Variants in NRG4 observed in about 807,000 individuals in gnomAD.
NRG4 encodes neuregulin 4.
A neutral mutation model predicts 15.0 loss-of-function variants in NRG4; 10 were observed. The observed-to-expected ratio is 0.67, with a 90% CI of 0.41 to 1.13. The LOEUF (loss-of-function observed/expected upper bound fraction) is 1.13. Among genes scored for constraint, NRG4 ranks in the 50% most tolerant of loss-of-function variants. The probability of loss-of-function intolerance (pLI) is 0.00; values close to 1 mark genes in which losing one functional copy is unlikely to be tolerated. For synonymous variants in NRG4, 41 were observed against 50.1 expected, an observed-to-expected ratio of 0.82 and a Z score of 0.77; for missense variants, 139 against 140.2, an observed-to-expected ratio of 0.99 and a Z score of 0.04.
At chr15:76,000,211 G>A (rs2034361794) in intron 3 of NRG4, among the ~76,000 whole-genome samples, 1 of 152,010 alleles carries the variant, frequency 6.6e-6, no homozygotes, top group Non-Finnish European at 1.5e-5. Context: ...ACTATGACTC[G>A]AACTTGAAGG....
At chr15:75,968,321 C>T (rs1459550306) in intron 3 of NRG4, among the ~76,000 whole-genome samples, 1 of 152,138 alleles carries the variant, frequency 6.6e-6, no homozygotes, top group East Asian at 1.9e-4. Flanking sequence ...GGTGTGGTGG[C>T]TCACGCCTGT....
At chr15:75,945,264 TTTTTA>T (rs2031420933) in intron 5 of NRG4, among the ~76,000 whole-genome samples, 1 of 125,544 alleles carries the variant, frequency 8.0e-6, no homozygotes, top group Non-Finnish European at 1.8e-5. Context: ...TTATCATTTA[TTTTTA>T]TTTTATTTTT....
chr15:75,953,610 CT>C (rs1243095505), intron 5 of NRG4, among the ~76,000 whole-genome samples: 1 of 152,168 alleles, frequency 6.6e-6, no homozygotes, highest in Non-Finnish European at 1.5e-5. Flanking sequence ...TGAAAAATGC[CT>C]GCTGAAATCC....
downstream of NRG4, chr15:75,937,361 T>G (rs1253022224): frequency 6.6e-6 from 1 of 151,684 alleles, no homozygotes; most frequent in South Asian, 2.1e-4. Context: ...TACACAAAAT[T>G]AGCTGGGCAT....
intron 5 of NRG4, among the ~76,000 whole-genome samples, chr15:76,030,077 T>G (rs2141940385): frequency 1.3e-5 from 2 of 152,158 alleles, no homozygotes; most frequent in East Asian, 3.9e-4. Context: ...GCTAACACGG[T>G]GAAACCCCGC....
chr15:76,030,574 T>TA (rs957215445), intron 5 of NRG4, among the ~76,000 whole-genome samples: 14 of 151,908 alleles, frequency 9.2e-5, no homozygotes, highest in East Asian at 7.7e-4. Context: ...TCTAACCTTA[T>TA]AAAAAAAGCA....
intron 3 of NRG4, among the ~76,000 whole-genome samples, chr15:75,992,710 C>A (rs2034063905): frequency 6.6e-6 from 1 of 152,054 alleles, no homozygotes; most frequent in South Asian, 2.1e-4. Context: ...CTATTCTGGA[C>A]ATCTAATATG....
chr15:76,028,539 A>G (rs1250823400), intron 5 of NRG4, among the ~76,000 whole-genome samples: 2 of 152,038 alleles, frequency 1.3e-5, no homozygotes, highest in Non-Finnish European at 2.9e-5. Flanking sequence ...TGACTTCACC[A>G]TTGAACTGTA....
intron 5 of NRG4, chr15:75,945,687 C>G (rs972997539): frequency 6.6e-6 from 1 of 152,164 alleles, no homozygotes; most frequent in Non-Finnish European, 1.5e-5. Context: ...CAACTGATAG[C>G]ATTATTTAAT....
At chr15:75,980,134 G>T (rs187282287) in intron 3 of NRG4, among the ~76,000 whole-genome samples, 1 of 152,090 alleles carries the variant, frequency 6.6e-6, no homozygotes, top group East Asian at 1.9e-4. Context: ...GGCTTAAAAA[G>T]GTCTACAAAC....
upstream of NRG4, among the ~76,000 whole-genome samples, chr15:76,013,853 T>C (rs1458094799): frequency 6.6e-6 from 1 of 152,202 alleles, no homozygotes; most frequent in African/African-American, 2.4e-5. Flanking sequence ...TTTGGGTATA[T>C]ACCCAGTAAT....
chr15:76,003,734 G>A (rs1324252242), intron 3 of NRG4, among the ~76,000 whole-genome samples: 2 of 152,120 alleles, frequency 1.3e-5, no homozygotes, highest in Non-Finnish European at 2.9e-5. Context: ...ATTATCAACA[G>A]ATTTCTCTGA....
intron 5 of NRG4, among the ~76,000 whole-genome samples, chr15:76,026,811 T>G (rs1224287741): frequency 6.6e-6 from 1 of 152,100 alleles, no homozygotes; most frequent in Non-Finnish European, 1.5e-5. Flanking sequence ...AGATATAGAT[T>G]GGCCGAAAGG....
chr15:75,963,996 C>A (rs2454469), intron 3 of NRG4, among the ~76,000 whole-genome samples: 1,755 of 151,806 alleles, frequency 0.012, 31 homozygotes, highest in African/African-American at 0.039. Flanking sequence ...GTGGGAAACA[C>A]AATTTATAAA....
intron 4 of NRG4, among the ~76,000 whole-genome samples, chr15:76,043,560 C>A (rs1624809): frequency 0.8 from 122,229 of 152,128 alleles, 49,441 homozygotes; most frequent in South Asian, 0.9. Context: ...AGCTACAAAT[C>A]AAGTATCAAG....
intron 5 of NRG4, among the ~76,000 whole-genome samples, chr15:75,947,710 C>T (rs976648867): frequency 6.6e-6 from 1 of 151,984 alleles, no homozygotes; most frequent in Non-Finnish European, 1.5e-5. Flanking sequence ...TTTTTGAGGA[C>T]TTGCCATATT....
At chr15:75,972,969 C>G (rs1175401890) in intron 3 of NRG4, among the ~76,000 whole-genome samples, 2 of 152,078 alleles carry the variant, frequency 1.3e-5, no homozygotes, top group South Asian at 4.2e-4. Context: ...GACAGTGTGG[C>G]CATTTTCAAG....
At chr15:76,050,741 G>C (rs1222067005) in intron 4 of NRG4, among the ~76,000 whole-genome samples, 6 of 146,046 alleles carry the variant, frequency 4.1e-5, no homozygotes, top group Non-Finnish European at 9.0e-5. Flanking sequence ...ACCGTGCCCA[G>C]CCGAGCCTTC....
intron 5 of NRG4, among the ~76,000 whole-genome samples, chr15:76,023,795 C>G (rs561249493): frequency 3.9e-5 from 6 of 152,332 alleles, no homozygotes; most frequent in Admixed American, 3.9e-4. Flanking sequence ...TGGTCCTACA[C>G]AGCAGGGAAA....
Sources: allele counts gnomAD v4.1 joint callset (sites outside exome capture counted in the v4.1 genomes callset), GRCh38; gene constraint gnomAD v4.1.1; transcripts MANE v1.5; gene names NCBI Gene and HGNC (gene_info 2026-07-23, HGNC 2026-07-21).